Variants in OSBPL5 observed in about 807,000 individuals in gnomAD.
The protein encoded by OSBPL5 is oxysterol-binding protein-related protein 5.
A neutral mutation model predicts 111.2 loss-of-function variants in OSBPL5; 71 were observed. The observed-to-expected ratio is 0.64, with a 90% CI of 0.53 to 0.78. The LOEUF is 0.78. Ranked by LOEUF, OSBPL5 falls within the 30% of genes least tolerant of loss-of-function variation. The pLI is 0.00. For missense variants in OSBPL5, 1,210 were observed against 1,189.3 expected (o/e 1.02, Z -0.26); for synonymous variants, 549 against 513.9 (o/e 1.07, Z -0.93).
rs781704899 is a variant in OSBPL5, at chr11:3,103,316, C to G, written c.1249G>C (p.Ala417Pro). The G allele has an allele frequency of 7.5e-6, 12 of 1,604,684 alleles. No homozygotes were observed. Among genetic ancestry groups the G allele is most frequent in the Non-Finnish European group, 1.0e-5 (12 of 1,175,438 alleles). ...CGGCTGTAGGCATCCTCCTCCACCG[C>G]AGCCCTGCCATGGGGCAGGAGAACG... ...YYHADLLSRAAVEEDAYSRMK... is the reference protein window; with the variant it reads ...YYHADLLSRAPVEEDAYSRMK... Residue 417 changes from alanine to proline, a missense_variant, in exon 11 of 22, where the codon GCG (alanine) becomes CCG (proline). Ala to Pro is a conservative substitution (Grantham distance 27). Coordinates refer to ENST00000263650, the MANE Select transcript of OSBPL5 (RefSeq NM_020896.4).
In OSBPL5 at chr11:3,112,037, GTGTGCGCGCA is replaced by G. The variant is rs1335519446; in HGVS notation, c.692-4102_692-4093del. 1.8e-3 allele frequency among the ~76,000 whole-genome samples: 180 copies of G among 101,610 alleles called. 1 individual carries two copies. Among genetic ancestry groups the G allele is most frequent in the African/African-American group, 3.6e-3 (91 of 25,418 alleles). 66.7% of individuals were successfully genotyped at this position (101,610 alleles called of 152,430 possible). A position where few individuals can be genotyped will look rare whatever the true frequency, so the allele number is the denominator to read the frequency against. ...CGCATGTGTGTGCATGTGTGTGTAT[GTGTGCGCGCA>G]TGTGTGTGCATGTGTATGTGTGTGT... is the stretch of plus-strand genomic sequence containing the variant. On this transcript the variant is annotated intron_variant, in intron 7 of 21. Coordinates refer to ENST00000263650, the MANE Select transcript of OSBPL5 (RefSeq NM_020896.4).
intron 7 of OSBPL5, among the ~76,000 whole-genome samples, chr11:3,115,873 C>CTTTTTTTTTTTT (rs369499437): frequency 2.1e-5 from 3 of 143,996 alleles, no homozygotes; most frequent in African/African-American, 2.5e-5. Context: ...AGGCTTTTGC[C>CTTTTTTTTTTTT]TTTTTTTTTT....
At chr11:3,100,018 C>CAAAAAA (rs398015214) in intron 14 of OSBPL5, 140 bp downstream of exon 14, 11 of 452,086 alleles carry the variant, frequency 2.4e-5, no homozygotes, top group Admixed American at 4.1e-5. Context: ...AACTCCATCT[C>CAAAAAA]AAAAAAAAAA....
chr11:3,111,981 GCGCATGTGTGTGCA>G (rs1857963976), intron 7 of OSBPL5, among the ~76,000 whole-genome samples: 1 of 136,288 alleles, frequency 7.3e-6, no homozygotes, highest in South Asian at 2.5e-4. Context: ...ATATGTGTGC[GCGCATGTGTGTGCA>G]TGTGTGTGTG....
At chr11:3,133,360 A>G (rs1399745609) in intron 1 of OSBPL5, among the ~76,000 whole-genome samples, 1 of 152,248 alleles carries the variant, frequency 6.6e-6, no homozygotes, top group African/African-American at 2.4e-5. Flanking sequence ...CTGAGGCAGC[A>G]GCGACCTGGG....
chr11:3,161,463 G>C lies in OSBPL5; in HGVS notation c.-22+3753C>G, dbSNP rs1846965297. Reference sequence around the variant, plus strand: ...CATGGTGGGTGGGACTTGCTAGATGGGGGCAGCCAGTCTCAATCTACTGAC... The same window carrying C: ...CATGGTGGGTGGGACTTGCTAGATGCGGGCAGCCAGTCTCAATCTACTGAC... On this transcript the variant is annotated intron_variant, in intron 1 of 21. Coordinates refer to ENST00000263650, the MANE Select transcript of OSBPL5 (RefSeq NM_020896.4). This position sits in a 1 kb window ranked among gnomAD's most constrained non-coding sequence, Gnocchi z 8.0. The C allele has an allele frequency of 6.6e-6, 1 of 152,222 alleles. No homozygotes were observed. The highest frequency in any genetic ancestry group is 1.5e-5 in the Non-Finnish European group (1 of 68,056). The allele number at this position is 152,222 out of a possible 1,614,324, so 9.4% of individuals were successfully genotyped here. A position where few individuals can be genotyped will look rare whatever the true frequency, so the allele number is the denominator to read the frequency against.
Position 3,104,345 on chromosome 11 carries a change from T to G in OSBPL5, c.1092A>C (p.Ser364=), listed in dbSNP as rs1226412887. ...TCCACATCAGACTCTTGTTCTCCTC[T>G]GACACTGTCTCCACCTGGGACGCCT... The part of the protein sequence containing the change: ...LGEASQVETV[S]EENKSLMWTL... The change falls in exon 10 of 22, where the codon TCA becomes TCC. Residue 364 remains serine, a synonymous_variant. Transcript: ENST00000263650. This position sits in a 1 kb window ranked among gnomAD's most constrained non-coding sequence, Gnocchi z 5.0. 6.2e-7 allele frequency: 1 copy of G among 1,612,744 alleles called. No individual in the cohort carries two copies. The highest frequency in any genetic ancestry group is 1.1e-5 in the South Asian group (1 of 91,064).
intron 1 of OSBPL5, among the ~76,000 whole-genome samples, chr11:3,132,408 C>T (rs1311958313): frequency 1.3e-5 from 2 of 152,124 alleles, no homozygotes; most frequent in Non-Finnish European, 2.9e-5. Flanking sequence ...TGATGCCCTA[C>T]AGCTGAGAGG....
At chr11:3,102,146 C>T in intron 12 of OSBPL5, 37 bp downstream of exon 12, 1 of 1,556,264 alleles carries the variant, frequency 6.4e-7, no homozygotes, top group Non-Finnish European at 8.7e-7. Context: ...CCCATAGAGC[C>T]CAGCACCCAG....
At position 3,121,229 on chromosome 11, in the gene OSBPL5, T is replaced by C. The variant is rs915295654; in HGVS notation, c.403-605A>G. ...CCCGCCACCATGCCTGGCTAATTTC[T>C]GTATTTTTAGTAGAGACGGGGTTTT... On this transcript the variant is annotated intron_variant, in intron 5 of 21. Transcript: ENST00000263650. This position sits in a 1 kb window ranked among gnomAD's most constrained non-coding sequence, Gnocchi z 4.3. Among the ~76,000 whole-genome samples the C allele has an allele frequency of 1.3e-5, 2 of 152,070 alleles. No individual in the cohort carries two copies. The highest frequency in any genetic ancestry group is 6.5e-5 in the Admixed American group (1 of 15,280).
chr11:3,124,458 C>T (rs1272436563), intron 3 of OSBPL5, among the ~76,000 whole-genome samples: 2 of 152,138 alleles, frequency 1.3e-5, no homozygotes, highest in Non-Finnish European at 2.9e-5. Flanking sequence ...AAGTTGCCCT[C>T]CTGGGAGTCC....
intron 1 of OSBPL5, among the ~76,000 whole-genome samples, chr11:3,136,735 G>A (rs986018421): frequency 6.6e-6 from 1 of 152,216 alleles, no homozygotes; most frequent in African/African-American, 2.4e-5. Context: ...CCCCCTCCAC[G>A]CCTATGTGGC....
At chr11:3,103,030 G>T (rs1264129133) in intron 11 of OSBPL5, among the ~76,000 whole-genome samples, 1 of 152,178 alleles carries the variant, frequency 6.6e-6, no homozygotes, top group African/African-American at 2.4e-5. Context: ...TGGGGACCCG[G>T]CCTGAGCCAT....
chr11:3,101,041 C>T (rs1205495357), intron 13 of OSBPL5, among the ~76,000 whole-genome samples: 1 of 147,014 alleles, frequency 6.8e-6, no homozygotes, highest in Non-Finnish European at 1.5e-5. Flanking sequence ...GTGGCACCAT[C>T]TTGGCTCACT....
intron 1 of OSBPL5, among the ~76,000 whole-genome samples, chr11:3,137,633 C>T (rs553563087): frequency 6.6e-5 from 10 of 152,268 alleles, no homozygotes; most frequent in South Asian, 6.2e-4. Flanking sequence ...GGCAACATAG[C>T]GAGACCCTGT....
chr11:3,154,079 C>T lies in OSBPL5; in HGVS notation c.-22+11137G>A, dbSNP rs1284281627. ...GGGAAACACATGGCATTCAAACCGC[C>T]GCTGGTGTGTGGCCCCTTATCCACT... is the stretch of plus-strand genomic sequence containing the variant. On this transcript the variant is annotated intron_variant, in intron 1 of 21. Coordinates refer to ENST00000263650, the MANE Select transcript of OSBPL5 (RefSeq NM_020896.4). This position sits in a 1 kb window ranked among gnomAD's most constrained non-coding sequence, Gnocchi z 4.9. Among the ~76,000 whole-genome samples the T allele has an allele frequency of 2.0e-5, 3 of 152,230 alleles. No homozygotes were observed. Among genetic ancestry groups the T allele is most frequent in the African/African-American group, 4.8e-5 (2 of 41,454 alleles).
chr11:3,089,081 G>C (rs980528465), intron 21 of OSBPL5, among the ~76,000 whole-genome samples: 2 of 152,180 alleles, frequency 1.3e-5, no homozygotes, highest in African/African-American at 4.8e-5. Flanking sequence ...CCTGCTTCTG[G>C]GGAGCCAGGC....
At position 3,103,314 on chromosome 11, in the gene OSBPL5, C is replaced by T. The variant is rs376812394; in HGVS notation, c.1251G>A (p.Ala417=). 60 of 1,604,748 alleles carry T rather than the reference C, an allele frequency of 3.7e-5. 1 individual carries two copies. The highest frequency in any genetic ancestry group is 1.9e-4 in the Admixed American group (11 of 59,300). The part of the protein sequence containing the change: ...YYHADLLSRA[A]VEEDAYSRMK... ...TGCGGCTGTAGGCATCCTCCTCCAC[C>T]GCAGCCCTGCCATGGGGCAGGAGAA... The change falls in exon 11 of 22, where the codon GCG becomes GCA. Residue 417 remains alanine, a synonymous_variant. Transcript: ENST00000263650.
At chr11:3,122,251 C>A (rs1332054886) in intron 4 of OSBPL5, 97 bp downstream of exon 4, 2 of 1,416,896 alleles carry the variant, frequency 1.4e-6, no homozygotes, top group East Asian at 4.9e-5. Context: ...TGCGGTTTGT[C>A]CCCTCCTTTT....
Sources: allele counts gnomAD v4.1 joint callset (sites outside exome capture counted in the v4.1 genomes callset), GRCh38; gene constraint gnomAD v4.1.1; non-coding constraint Gnocchi (gnomAD v3.1); transcripts MANE v1.5; gene names NCBI Gene and HGNC (gene_info 2026-07-23, HGNC 2026-07-21).